The following CLTB variants were observed in gnomAD, a reference collection of about 807,000 sequenced individuals.
CLTB encodes the protein clathrin light chain B.
Under a neutral mutation model 30.5 loss-of-function variants are expected in CLTB, and 10 were observed. The observed-to-expected ratio is 0.33, with a 90% CI of 0.20 to 0.56. The LOEUF is 0.56. Ranked by LOEUF, CLTB falls within the 20% of genes least tolerant of loss-of-function variation. CLTB has a pLI of 0.91. For missense variants in CLTB, 261 were observed against 308.3 expected, an observed-to-expected ratio of 0.85 and a Z score of 1.15; for synonymous variants, 102 against 120.3, an observed-to-expected ratio of 0.85 and a Z score of 1.00.
chr5:176,406,609 C>T, intron 2 of CLTB: 1 of 1,289,358 alleles, frequency 7.8e-7, no homozygotes, highest in East Asian at 5.6e-5. Context: ...TGTCCCTGCC[C>T]CTGGCTGTGC....
chr5:176,415,646 T>C (rs939538345), intron 1 of CLTB, among the ~76,000 whole-genome samples: 3 of 152,260 alleles, frequency 2.0e-5, no homozygotes, highest in Admixed American at 2.0e-4. Flanking sequence ...TGAAATGGGT[T>C]CAATCACGTG....
intron 2 of CLTB, chr5:176,406,606 G>C (rs1019054309): frequency 1.4e-5 from 18 of 1,289,286 alleles, no homozygotes; most frequent in Non-Finnish European, 1.8e-5. Context: ...TTCTGTCCCT[G>C]CCCCTGGCTG....
Position 176,409,325 on chromosome 5 carries a change from G to C in CLTB, c.234+932C>G, listed in dbSNP as rs1052462483. 3.5e-5 allele frequency among the ~76,000 whole-genome samples: 5 copies of C among 141,066 alleles called. No homozygotes were observed. In the East Asian group the frequency reaches 1.1e-3, roughly 30 times the overall value. 92.5% of individuals were successfully genotyped at this position (141,066 alleles called of 152,430 possible). On this transcript the variant is annotated intron_variant, in intron 2 of 5. Transcript: ENST00000310418. ...AAAAAAAAAAAAAGGACCATACTGT[G>C]TATATTATTCTGCAAGCTGCTTTTT...
In CLTB at chr5:176,416,352, G is replaced by A. The variant is rs1232932329; in HGVS notation, c.12C>T (p.Asp4=). The A allele has an allele frequency of 4.4e-6, 7 of 1,596,652 alleles. No homozygotes were observed. Among genetic ancestry groups the A allele is most frequent in the Admixed American group, 3.4e-5 (2 of 58,740 alleles). The change falls in exon 1 of 6, where the codon GAC becomes GAT. Residue 4 remains aspartate (D), a synonymous_variant. Transcript: ENST00000310418. The part of the protein sequence containing the change: MAD[D]FGFFSSSESG... The stretch of plus-strand genomic sequence containing the variant: ...TCTCCGACGACGAGAAGAAGCCAAA[G>A]TCATCAGCCATTTTCCCCGCGCCTC...
intron 5 of CLTB, among the ~76,000 whole-genome samples, chr5:176,394,641 C>CT (rs1289971818): frequency 7.8e-6 from 1 of 127,874 alleles, no homozygotes; most frequent in Non-Finnish European, 1.8e-5. Context: ...GGTGAAACCC[C>CT]GTCTCTACTA....
chr5:176,414,511 G>A (rs971453013), intron 1 of CLTB, among the ~76,000 whole-genome samples: 3 of 146,520 alleles, frequency 2.0e-5, no homozygotes, highest in East Asian at 2.0e-4. Flanking sequence ...AGCACACGGC[G>A]ACCTACCTAC....
intron 1 of CLTB, among the ~76,000 whole-genome samples, chr5:176,412,133 G>A (rs4868635): frequency 0.46 from 67,906 of 146,512 alleles, 15,844 homozygotes; most frequent in African/African-American, 0.57. Flanking sequence ...CCGAGATCCC[G>A]CCACTGCACT....
intron 4 of CLTB, among the ~76,000 whole-genome samples, chr5:176,396,952 C>T (rs1240046616): frequency 6.6e-6 from 1 of 150,410 alleles, no homozygotes; most frequent in Non-Finnish European, 1.5e-5. Context: ...TACCTCCTGC[C>T]CTTTTTTCCC....
At chr5:176,401,511 G>A (rs569077867) in intron 2 of CLTB, among the ~76,000 whole-genome samples, 4 of 152,216 alleles carry the variant, frequency 2.6e-5, no homozygotes, top group South Asian at 4.1e-4. Flanking sequence ...CCCACCCTCC[G>A]TCTGAGAAAA....
intron 2 of CLTB, among the ~76,000 whole-genome samples, chr5:176,409,625 G>A (rs1757323219): frequency 6.6e-6 from 1 of 151,788 alleles, no homozygotes; most frequent in Admixed American, 6.6e-5. Context: ...ATGTTGGCCA[G>A]GCTGGTCTTG....
intron 2 of CLTB, among the ~76,000 whole-genome samples, chr5:176,398,798 A>G (rs1036229877): frequency 4.6e-5 from 7 of 152,174 alleles, no homozygotes; most frequent in African/African-American, 7.2e-5. Context: ...ATCACTCTCT[A>G]TTGTGGTTGT....
chr5:176,410,421 C>T (rs770690266), intron 1 of CLTB, 118 bp from the exon 2 acceptor site: 3 of 728,608 alleles, frequency 4.1e-6, no homozygotes, highest in African/African-American at 3.5e-5. Flanking sequence ...TATCGACCCA[C>T]ATGCAAACAG....
chr5:176,409,227 G>A (rs1191904600), intron 2 of CLTB, among the ~76,000 whole-genome samples: 1 of 146,818 alleles, frequency 6.8e-6, no homozygotes, highest in Non-Finnish European at 1.5e-5. Flanking sequence ...ACCTGCCTTG[G>A]CCTCCCAAAG....
In CLTB at chr5:176,392,851, T is replaced by C; in HGVS notation, c.613A>G (p.Ser205Gly). 6.2e-7 allele frequency: 1 copy of C among 1,614,218 alleles called. No homozygotes were observed. Among genetic ancestry groups the C allele is most frequent in the Non-Finnish European group, 8.5e-7 (1 of 1,180,032 alleles). The change falls in exon 6 of 6, where the codon AGC becomes GGC. Residue 205 changes from serine (S) to glycine (G), a missense_variant. Physicochemically the swap from Ser to Gly is moderately conservative, Grantham distance 56. Transcript: ENST00000310418. This position sits in a 1 kb window ranked among gnomAD's most constrained non-coding sequence, Gnocchi z 5.2. ...VAQLCDFNPK[S>G]SKQCKDVSRL... is the part of the protein sequence containing the mutation. ...GACACATCTTTGCACTGCTTGCTGC[T>C]CTTGGGGTTGAAGTCACATAGCTGG... is the stretch of plus-strand genomic sequence containing the variant.
At chr5:176,403,192 G>A (rs111996618) in intron 2 of CLTB, among the ~76,000 whole-genome samples, 6 of 151,768 alleles carry the variant, frequency 4.0e-5, no homozygotes, top group African/African-American at 1.5e-4. Flanking sequence ...TGGGATTACA[G>A]GCATCTGCCA....
chr5:176,396,567 G>C (rs1756533712), intron 4 of CLTB, 35 bp from the exon 5 acceptor site: 1 of 1,564,282 alleles, frequency 6.4e-7, no homozygotes, highest in African/African-American at 1.4e-5. Context: ...GGTTAGGTGG[G>C]GGAAGGCAGA....
Position 176,416,289 on chromosome 5 carries a change from G to A in CLTB, c.75C>T (p.Ala25=), listed in dbSNP as rs1757688472. 1.9e-6 allele frequency: 3 copies of A among 1,606,108 alleles called. No homozygotes were observed. Among genetic ancestry groups the A allele is most frequent in the Non-Finnish European group, 2.5e-6 (3 of 1,177,546 alleles). The change falls in exon 1 of 6, where the codon GCC becomes GCT. Residue 25 remains alanine, a synonymous_variant. Coordinates refer to ENST00000310418, the MANE Select transcript of CLTB (RefSeq NM_007097.5). ...CGCTCTCCTGCTGGGCCAGGAAGGCGGCCGCCGGGTCCTCCTCCGCCGCCT... is the reference window on the plus strand; with the variant it reads ...CGCTCTCCTGCTGGGCCAGGAAGGCAGCCGCCGGGTCCTCCTCCGCCGCCT... The part of the protein sequence containing the change: ...APEAAEEDPA[A]AFLAQQESEI...
chr5:176,409,633 T>C (rs944304567), intron 2 of CLTB, among the ~76,000 whole-genome samples: 4 of 151,908 alleles, frequency 2.6e-5, no homozygotes, highest in African/African-American at 4.8e-5. Context: ...CAGGCTGGTC[T>C]TGAACTCTGA....
chr5:176,412,310 G>T (rs1757483773), intron 1 of CLTB, among the ~76,000 whole-genome samples: 1 of 152,056 alleles, frequency 6.6e-6, no homozygotes, highest in South Asian at 2.1e-4. Flanking sequence ...CTCACTTCCG[G>T]GGTATCCCAG....
Sources: gnomAD v4.1 joint callset for allele counts (sites outside exome capture counted in the v4.1 genomes callset) on GRCh38, gnomAD v4.1.1 for gene constraint, Gnocchi (gnomAD v3.1) non-coding constraint, MANE v1.5 for transcripts, NCBI Gene and HGNC (gene_info 2026-07-23, HGNC 2026-07-21) for gene names.